Variants in TMC8 observed in about 807,000 individuals in gnomAD.
The protein encoded by TMC8 is transmembrane channel like 8.
In TMC8, 71 loss-of-function variants were observed where a neutral mutation model predicts 76.0. The observed-to-expected ratio is 0.93, with a 90% CI of 0.77 to 1.14. The LOEUF is 1.14. Ranked by LOEUF, TMC8 falls within the 50% of genes most tolerant of loss-of-function variation. The pLI is 0.00. For synonymous variants in TMC8, 433 were observed against 433.8 expected (o/e 1.00, Z 0.02); for missense variants, 924 against 947.9 (o/e 0.97, Z 0.33).
At chr17:78,135,082 A>C in intron 9 of TMC8, 73 bp downstream of exon 9, 1 of 1,596,840 alleles carries the variant, frequency 6.3e-7, no homozygotes, top group Non-Finnish European at 8.5e-7. Flanking sequence ...TTTGGTTGTC[A>C]CCTGGCACCT....
chr17:78,137,142 A>G, intron 9 of TMC8, 93 bp from the exon 10 acceptor site: 1 of 1,569,940 alleles, frequency 6.4e-7, no homozygotes, highest in Non-Finnish European at 8.6e-7. Flanking sequence ...ACACAACATG[A>G]TCCCACTCGG....
At chr17:78,132,678 T>G in intron 4 of TMC8, 110 bp from the exon 5 acceptor site, 3 of 1,500,826 alleles carry the variant, frequency 2.0e-6, no homozygotes, top group Non-Finnish European at 2.8e-6. Context: ...TGGCACATCC[T>G]CAGCCCCCTG....
At chr17:78,134,296 C>A (rs1380502469) in intron 7 of TMC8, 98 bp from the exon 8 acceptor site, 10 of 1,387,240 alleles carry the variant, frequency 7.2e-6, no homozygotes, top group Middle Eastern at 2.4e-4. Context: ...TGTATGTGAG[C>A]GTGAATGGTT....
At chr17:78,140,775 C>T (rs1246175844) in intron 15 of TMC8, 59 bp from the exon 16 acceptor site, 18 of 1,564,318 alleles carry the variant, frequency 1.2e-5, no homozygotes, top group Middle Eastern at 1.8e-4. Context: ...CGCTGCTGTC[C>T]TCACACCCGC....
Position 78,141,838 on chromosome 17 carries a change from A to G in TMC8, c.*726A>G. 6.6e-6 allele frequency: 1 copy of G among 152,260 alleles called. No homozygotes were observed. Among genetic ancestry groups the G allele is most frequent in the Admixed American group, 6.5e-5 (1 of 15,286 alleles). 9.4% of individuals were successfully genotyped at this position (152,260 alleles called of 1,614,324 possible). A position where few individuals can be genotyped will look rare whatever the true frequency, so the allele number is the denominator to read the frequency against. On this transcript the variant is annotated 3_prime_UTR_variant, in exon 16 of 16. Transcript: ENST00000318430. The stretch of plus-strand genomic sequence containing the variant: ...CTTCTAACCTAGCAGCCTCACGTCC[A>G]CAGAGCTGCCTTGTGAAACTCAGCA...
rs749599063 is a variant in TMC8, at chr17:78,132,476, G to GC, written c.422dup (p.Asp142Ter). The GC allele has an allele frequency of 6.2e-7, 1 of 1,611,506 alleles. No individual in the cohort carries two copies. Among genetic ancestry groups the GC allele is most frequent in the Admixed American group, 1.7e-5 (1 of 59,826 alleles). ...GTGCTGCTGCCCCTGGTCTGGCTCC[G>GC]CCCCCCTGACCCAGGCCCCACCCTG... is the stretch of plus-strand genomic sequence containing the variant. On this transcript the variant is annotated frameshift_variant, in exon 4 of 16. Transcript: ENST00000318430. LOFTEE classifies it high-confidence loss of function.
chr17:78,137,909 T>G, intron 11 of TMC8, 95 bp downstream of exon 11: 2 of 1,597,404 alleles, frequency 1.3e-6, no homozygotes, highest in South Asian at 2.2e-5. Flanking sequence ...GGGTCCAGTG[T>G]GGAGCCCGGG....
In TMC8 at chr17:78,142,721, C is replaced by G. The variant is rs1020407106; in HGVS notation, c.*1609C>G. The G allele has an allele frequency of 6.6e-6, 1 of 152,242 alleles. No homozygotes were observed. The highest frequency in any genetic ancestry group is 1.5e-5 in the Non-Finnish European group (1 of 68,058). 9.4% of individuals were successfully genotyped at this position (152,242 alleles called of 1,614,324 possible). A position where few individuals can be genotyped will look rare whatever the true frequency, so the allele number is the denominator to read the frequency against. ...AAGGTGGCCCCTGGACCAGTGGCCT[C>G]AGCATCACCTGGGAAAAGGTTAGAA... On this transcript the variant is annotated 3_prime_UTR_variant, in exon 16 of 16. Transcript: ENST00000318430.
At chr17:78,139,410 G>C (rs372703913) in intron 15 of TMC8, among the ~76,000 whole-genome samples, 170 bp downstream of exon 15, 19 of 152,232 alleles carry the variant, frequency 1.2e-4, no homozygotes, top group Admixed American at 5.9e-4. Context: ...AGAACAGCTC[G>C]GGCTCCTGAG....
Position 78,133,973 on chromosome 17 carries a change from G to A in TMC8, c.789G>A (p.Lys263=). ...GGGTGCAGGAAGCAGCCACCATCAA[G>A]AAGCATGAGATCAGCAACGAGTTCA... is the stretch of plus-strand genomic sequence containing the variant. ...CIRVQEAATI[K]KHEISNEFKV... Residue 263 remains lysine, a synonymous_variant, in exon 7 of 16, where the codon AAG becomes AAA. Transcript: ENST00000318430. 6.2e-7 allele frequency: 1 copy of A among 1,613,804 alleles called. No homozygotes were observed. Among genetic ancestry groups the A allele is most frequent in the Non-Finnish European group, 8.5e-7 (1 of 1,180,046 alleles).
chr17:78,141,130 C>A lies in TMC8; in HGVS notation c.*18C>A. The A allele has an allele frequency of 6.5e-7, 1 of 1,533,506 alleles. No homozygotes were observed. Among genetic ancestry groups the A allele is most frequent in the Non-Finnish European group, 8.7e-7 (1 of 1,148,812 alleles). 95.0% of individuals were successfully genotyped at this position (1,533,506 alleles called of 1,614,324 possible). On this transcript the variant is annotated 3_prime_UTR_variant, in exon 16 of 16. Transcript: ENST00000318430. ...AGCTGTAACCCCTACCCCTGCCTCC[C>A]CGAAGCCTCCCTGGGGCCCCTTCAG...
In TMC8 at chr17:78,138,073, A is replaced by C. The variant is rs1053461998; in HGVS notation, c.1418A>C (p.Lys473Thr). The C allele has an allele frequency of 3.1e-6, 5 of 1,614,104 alleles. No individual in the cohort carries two copies. The highest frequency in any genetic ancestry group is 4.2e-6 in the Non-Finnish European group (5 of 1,180,012). Reference sequence around the variant, plus strand: ...GAACGGGAGGAGTTCCTGGTCCCCAAGAATGTGCTGGACATCGTGGCGGGG... The same window carrying C: ...GAACGGGAGGAGTTCCTGGTCCCCACGAATGTGCTGGACATCGTGGCGGGG... Reference protein sequence around the residue: ...WLEREEFLVPKNVLDIVAGQT... With the variant: ...WLEREEFLVPTNVLDIVAGQT... Residue 473 changes from lysine to threonine, a missense_variant, in exon 12 of 16, where the codon AAG becomes ACG. Physicochemically the swap from Lys to Thr is moderately conservative, Grantham distance 78. Coordinates refer to ENST00000318430, the MANE Select transcript of TMC8 (RefSeq NM_152468.5).
Position 78,133,822 on chromosome 17 carries a change from C to T in TMC8, c.669-31C>T, listed in dbSNP as rs433258. 0.055 allele frequency: 89,416 copies of T among 1,612,302 alleles called. 2,748 individuals carry two copies. The highest frequency in any genetic ancestry group is 0.12 in the East Asian group (5,185 of 44,872). On this transcript the variant is annotated intron_variant, in intron 6 of 15. Coordinates refer to ENST00000318430, the MANE Select transcript of TMC8 (RefSeq NM_152468.5). ...AGGCTGGATGGTAGAGGTGCCCCTCCTCCAGCAGCCCCTGGTCTCCTGCCC... is the reference window on the plus strand; with the variant it reads ...AGGCTGGATGGTAGAGGTGCCCCTCTTCCAGCAGCCCCTGGTCTCCTGCCC...
intron 9 of TMC8, among the ~76,000 whole-genome samples, chr17:78,136,060 G>C (rs11658379): frequency 0.15 from 22,690 of 151,980 alleles, 1,826 homozygotes; most frequent in Middle Eastern, 0.3. Context: ...TCTCAAAAAA[G>C]AAAACAAAAC....
chr17:78,131,861 C>A, intron 2 of TMC8, 21 bp from the exon 3 acceptor site: 5 of 1,463,218 alleles, frequency 3.4e-6, no homozygotes, highest in Non-Finnish European at 4.5e-6. Flanking sequence ...CAGGGGCGCC[C>A]CTGTCACCAC....
chr17:78,131,229 T>C (rs2074956047), intron 1 of TMC8, 52 bp from the exon 2 acceptor site: 2 of 399,704 alleles, frequency 5.0e-6, no homozygotes, highest in Non-Finnish European at 9.3e-6. Flanking sequence ...TTTCTTTGCC[T>C]GTGCCGGTCC....
intron 6 of TMC8, 38 bp from the exon 7 acceptor site, chr17:78,133,815 G>A (rs2075123070): frequency 1.9e-6 from 3 of 1,612,066 alleles, no homozygotes; most frequent in East Asian, 4.5e-5. Flanking sequence ...TGGTAGAGGT[G>A]CCCCTCCTCC....
intron 15 of TMC8, among the ~76,000 whole-genome samples, chr17:78,140,384 G>A (rs1357771827): frequency 6.6e-6 from 1 of 152,238 alleles, no homozygotes; most frequent in Non-Finnish European, 1.5e-5. Context: ...TGGAGCTGAG[G>A]GAGGAACAGT....
At chr17:78,136,963 G>T in intron 9 of TMC8, 1 of 428,106 alleles carries the variant, frequency 2.3e-6, no homozygotes, top group South Asian at 2.1e-5. Context: ...GTGAGCCGAG[G>T]TCACAACACT....
Sources: allele counts gnomAD v4.1 joint callset (sites outside exome capture counted in the v4.1 genomes callset), GRCh38; gene constraint gnomAD v4.1.1; transcripts MANE v1.5; gene names NCBI Gene and HGNC (gene_info 2026-07-23, HGNC 2026-07-21).